The following KHDRBS2 variants were observed in gnomAD, a reference collection of about 807,000 sequenced individuals.
KHDRBS2 encodes KH RNA binding domain containing, signal transduction associated 2, also known as KH domain-containing, RNA-binding, signal transduction-associated protein 2.
KHDRBS2 carries 26 observed loss-of-function variants against 44.3 expected under a neutral mutation model. The observed-to-expected ratio is 0.59, with a 90% confidence interval of 0.43 to 0.81. The LOEUF is 0.81. KHDRBS2 is among the 40% of genes least tolerant of loss of function. The pLI is 0.00. For synonymous variants in KHDRBS2, 194 were observed against 151.1 expected, an observed-to-expected ratio of 1.28 and a Z score of -2.08; for missense variants, 476 against 433.1, an observed-to-expected ratio of 1.10 and a Z score of -0.88.
chr6:61,876,198 G>C (rs1562351973), intron 6 of KHDRBS2, among the ~76,000 whole-genome samples: 1 of 151,822 alleles, frequency 6.6e-6, no homozygotes, highest in Non-Finnish European at 1.5e-5. Context: ...TCTCTAAGTG[G>C]CCTTAATGTC....
chr6:61,955,130 A>C (rs1279242916), intron 4 of KHDRBS2, among the ~76,000 whole-genome samples: 1 of 144,974 alleles, frequency 6.9e-6, no homozygotes, highest in Non-Finnish European at 1.5e-5. Context: ...ATATGTATAC[A>C]TATGTATATA....
chr6:61,640,030 T>C, the KHDRBS2 span, among the ~76,000 whole-genome samples: 1 of 152,056 alleles, frequency 6.6e-6, no homozygotes, highest in Non-Finnish European at 1.5e-5. Context: ...TTTGGCACAA[T>C]TGGTGAAATG....
the KHDRBS2 span, among the ~76,000 whole-genome samples, chr6:61,618,614 C>G: frequency 2.0e-5 from 3 of 152,130 alleles, no homozygotes; most frequent in African/African-American, 7.2e-5. Context: ...TTGTTCCTCT[C>G]CCTCTTCACA....
intron 3 of KHDRBS2, among the ~76,000 whole-genome samples, chr6:62,038,796 T>C (rs1486633389): frequency 6.6e-6 from 1 of 152,078 alleles, no homozygotes; most frequent in Non-Finnish European, 1.5e-5. Flanking sequence ...CTTAACAGGA[T>C]CTTTCTAAAA....
At chr6:62,042,420 G>A (rs992313954) in intron 3 of KHDRBS2, among the ~76,000 whole-genome samples, 1 of 152,074 alleles carries the variant, frequency 6.6e-6, no homozygotes, top group Non-Finnish European at 1.5e-5. Flanking sequence ...CAGTTCATTA[G>A]AGGCACAGCT....
chr6:61,659,554 A>C, the KHDRBS2 span, among the ~76,000 whole-genome samples: 1 of 151,852 alleles, frequency 6.6e-6, no homozygotes, highest in African/African-American at 2.4e-5. Context: ...TCACTCAACA[A>C]ATCACAGTTA....
At chr6:62,136,071 A>T (rs1168777172) in intron 2 of KHDRBS2, among the ~76,000 whole-genome samples, 1 of 151,900 alleles carries the variant, frequency 6.6e-6, no homozygotes, top group Non-Finnish European at 1.5e-5. Context: ...AAAAAAAAAA[A>T]GGAAAAGAAA....
intron 2 of KHDRBS2, among the ~76,000 whole-genome samples, chr6:62,155,496 A>ATTGCC (rs1322299677): frequency 6.6e-6 from 1 of 152,154 alleles, no homozygotes; most frequent in Non-Finnish European, 1.5e-5. Context: ...AGAAGATGAG[A>ATTGCC]TTGCCTGGGA....
intron 1 of KHDRBS2, among the ~76,000 whole-genome samples, chr6:62,219,935 TA>T (rs541461912): frequency 1.2e-3 from 174 of 147,154 alleles, no homozygotes; most frequent in African/African-American, 4.1e-3. Context: ...ATATATATAT[TA>T]ATAGTATATA....
intron 1 of KHDRBS2, among the ~76,000 whole-genome samples, chr6:62,223,664 C>T (rs1831275204): frequency 6.6e-6 from 1 of 152,150 alleles, no homozygotes; most frequent in African/African-American, 2.4e-5. Flanking sequence ...ATCTTGAATG[C>T]TTTGCTGCTT....
rs564855848 is a variant in KHDRBS2, at chr6:61,764,055, C to T, written c.811-31291G>A. ...TCCATGTGTTCTCATTGTTCAGTTC[C>T]CACTTACAAGTGAGAACATGTGGTG... On this transcript the variant is annotated intron_variant, in intron 6 of 8. Coordinates refer to ENST00000281156, the MANE Select transcript of KHDRBS2 (RefSeq NM_152688.4). 6.6e-5 allele frequency among the ~76,000 whole-genome samples: 10 copies of T among 152,188 alleles called. No homozygotes were observed. In the East Asian group the frequency reaches 1.9e-3, roughly 30 times the overall value.
chr6:62,027,048 T>C (rs1783486604), intron 3 of KHDRBS2, among the ~76,000 whole-genome samples: 1 of 151,896 alleles, frequency 6.6e-6, no homozygotes, highest in Non-Finnish European at 1.5e-5. Context: ...TTATTGTACA[T>C]GTGGAGAATG....
At chr6:61,955,675 CAT>C (rs1491417008) in intron 4 of KHDRBS2, among the ~76,000 whole-genome samples, 4 of 145,512 alleles carry the variant, frequency 2.7e-5, no homozygotes, top group African/African-American at 5.2e-5. Context: ...TATATGTACA[CAT>C]ATGTATGTAT....
At chr6:62,267,476 T>C (rs1357130512) in intron 1 of KHDRBS2, among the ~76,000 whole-genome samples, 2 of 152,030 alleles carry the variant, frequency 1.3e-5, no homozygotes, top group South Asian at 2.1e-4. Context: ...ATAAAAGTGT[T>C]CAGAGAAGGA....
At chr6:62,160,254 G>A (rs1186703432) in intron 2 of KHDRBS2, among the ~76,000 whole-genome samples, 2 of 152,056 alleles carry the variant, frequency 1.3e-5, no homozygotes, top group African/African-American at 2.4e-5. Flanking sequence ...TATATGCTAT[G>A]GGAAAAAAGA....
chr6:61,687,013 C>G (rs1439774286), intron 8 of KHDRBS2, among the ~76,000 whole-genome samples: 8 of 151,662 alleles, frequency 5.3e-5, no homozygotes, highest in Non-Finnish European at 1.2e-4. Flanking sequence ...CTGCACTGCT[C>G]TGAGCATTTT....
chr6:62,132,491 G>T (rs1312229779), intron 2 of KHDRBS2, among the ~76,000 whole-genome samples: 1 of 152,158 alleles, frequency 6.6e-6, no homozygotes, highest in Non-Finnish European at 1.5e-5. Flanking sequence ...AAGCCCTCTG[G>T]TGACTCAGAT....
intron 3 of KHDRBS2, among the ~76,000 whole-genome samples, chr6:61,993,650 C>CATATATATATAT (rs1188471190): frequency 4.1e-4 from 27 of 66,402 alleles, no homozygotes; most frequent in African/African-American, 7.9e-4. Flanking sequence ...CCCATAAAAT[C>CATATATATATAT]ATATATATAT....
chr6:61,942,960 G>GGA (rs1167535311), intron 4 of KHDRBS2, among the ~76,000 whole-genome samples: 5 of 144,962 alleles, frequency 3.4e-5, no homozygotes, highest in African/African-American at 1.3e-4. Flanking sequence ...GAAAGAAAGA[G>GGA]GAGAGAGAGA....
Sources: gnomAD v4.1 joint callset for allele counts (sites outside exome capture counted in the v4.1 genomes callset) on GRCh38, gnomAD v4.1.1 for gene constraint, MANE v1.5 for transcripts, NCBI Gene and HGNC (gene_info 2026-07-23, HGNC 2026-07-21) for gene names.